Variants in VPS9D1 observed in about 807,000 individuals in gnomAD.
VPS9D1 encodes VPS9 domain-containing protein 1.
VPS9D1 carries 78 observed loss-of-function variants against 75.8 expected under a neutral mutation model. That is an observed-to-expected ratio of 1.03 (90% CI 0.86 to 1.24). The LOEUF (loss-of-function observed/expected upper bound fraction) is 1.24, where lower values mean the gene tolerates loss of function less well. Among genes scored for constraint, VPS9D1 ranks in the 50% most tolerant of loss-of-function variants. VPS9D1 has a pLI of 0.00. For missense variants in VPS9D1, 1,057 were observed against 847.7 expected, an observed-to-expected ratio of 1.25 and a Z score of -3.07; for synonymous variants, 481 against 385.6, an observed-to-expected ratio of 1.25 and a Z score of -2.90.
At chr16:89,719,549 G>A (rs1384122811) in intron 1 of VPS9D1, among the ~76,000 whole-genome samples, 1 of 152,186 alleles carries the variant, frequency 6.6e-6, no homozygotes, top group Non-Finnish European at 1.5e-5. Flanking sequence ...AGGATAAAGG[G>A]AGTGATACTG....
intron 12 of VPS9D1, 86 bp from the exon 13 acceptor site, chr16:89,709,042 C>CCCCCCCCCCTG: frequency 7.0e-7 from 1 of 1,430,192 alleles, no homozygotes; most frequent in East Asian, 2.5e-5. Flanking sequence ...CACCCACCTC[C>CCCCCCCCCCTG]TGATGTGCAC....
At chr16:89,709,003 C>G (rs764635868) in intron 12 of VPS9D1, 47 bp from the exon 13 acceptor site, 11 of 1,540,134 alleles carry the variant, frequency 7.1e-6, no homozygotes, top group Middle Eastern at 2.3e-4. Context: ...CGTCCAGCAG[C>G]CTGAGCCACC....
intron 4 of VPS9D1, 51 bp downstream of exon 4, chr16:89,716,411 C>T (rs1271066611): frequency 3.7e-6 from 6 of 1,606,066 alleles, no homozygotes; most frequent in Non-Finnish European, 4.2e-6. Flanking sequence ...CTTTCTCAGC[C>T]TCAAAAACCC....
rs1486069715 is a variant in VPS9D1 at position 89,708,481 on chromosome 16, C to T, written c.1748G>A (p.Gly583Asp). Residue 583 changes from glycine (G) to aspartate (D), a missense_variant, in exon 14 of 15, where the codon GGC (glycine) becomes GAC (aspartate). Physicochemically the swap from Gly to Asp is moderately conservative, Grantham distance 94 (BLOSUM62 -1). Coordinates refer to ENST00000389386, the MANE Select transcript of VPS9D1 (RefSeq NM_004913.3). ...PILSFVVLRS[G>D]LPQLVSECAA... ...GCACTCCGACACCAGCTGAGGGAGG[C>T]CGCTCCTCAGCACCACGAAGGACAG... 2.5e-6 allele frequency: 4 copies of T among 1,613,120 alleles called. No individual in the cohort carries two copies. The highest frequency in any genetic ancestry group is 1.3e-5 in the African/African-American group (1 of 75,074).
At position 89,716,816 on chromosome 16, in the gene VPS9D1, C is replaced by G. The variant is rs2061081064; in HGVS notation, c.182G>C (p.Gly61Ala). 2 of 1,591,534 alleles carry G rather than the reference C, an allele frequency of 1.3e-6. No individual in the cohort carries two copies. The highest frequency in any genetic ancestry group is 1.4e-5 in the African/African-American group (1 of 73,368). ...LEEVETTKEA[G>A]ETVPPDTSKM... is the part of the protein sequence containing the mutation. ...GGAGGTGTCGGGGGGCACAGTTTCCCCAGCTTCTGGGGGAGGGACAAGAAG... is the reference window on the plus strand; with the variant it reads ...GGAGGTGTCGGGGGGCACAGTTTCCGCAGCTTCTGGGGGAGGGACAAGAAG... The change falls in exon 3 of 15, where the codon GGG (glycine) becomes GCG (alanine). Residue 61 changes from glycine (G) to alanine (A), a missense_variant. Transcript: ENST00000389386.
intron 9 of VPS9D1, 90 bp downstream of exon 9, chr16:89,711,237 T>C: frequency 7.2e-7 from 1 of 1,397,374 alleles, no homozygotes; most frequent in Non-Finnish European, 9.9e-7. Context: ...GCTCCCTGTG[T>C]CAGTCCAGCC....
In VPS9D1 at chr16:89,716,587, A is replaced by G. The variant is rs749211615; in HGVS notation, c.306T>C (p.Ala102=). 7 of 1,613,712 alleles carry G rather than the reference A, an allele frequency of 4.3e-6. No individual in the cohort carries two copies. In the South Asian group the frequency reaches 7.7e-5, roughly 18 times the overall value. Residue 102 remains alanine, a synonymous_variant, in exon 4 of 15, where the codon GCT becomes GCC. Coordinates refer to ENST00000389386, the MANE Select transcript of VPS9D1 (RefSeq NM_004913.3). ...TRLKPTMPAA[A]PIPQPAGRHR... is the part of the protein sequence containing the mutation. The stretch of plus-strand genomic sequence containing the variant: ...GTCGGCCGGCAGGCTGGGGAATGGG[A>G]GCAGCTGCAGGCATGGTTGGCTTCA...
chr16:89,716,625 C>T lies in VPS9D1; in HGVS notation c.269-1G>A. On this transcript the variant is annotated splice_acceptor_variant, in intron 3 of 14. Transcript: ENST00000389386. LOFTEE classifies it high-confidence loss of function. The stretch of plus-strand genomic sequence containing the variant: ...ATGGTTGGCTTCAGGCGTGTTTTCC[C>T]TGCAAGCCATGGGTAACCAGGGGTC... 20 of 1,612,678 alleles carry T rather than the reference C, an allele frequency of 1.2e-5. No homozygotes were observed. The highest frequency in any genetic ancestry group is 1.6e-5 in the Non-Finnish European group (19 of 1,179,006).
intron 10 of VPS9D1, among the ~76,000 whole-genome samples, chr16:89,710,310 G>T (rs967116847): frequency 6.6e-6 from 1 of 152,156 alleles, no homozygotes; most frequent in East Asian, 1.9e-4. Flanking sequence ...TCTGGGCTGG[G>T]CGCGGTGGCT....
chr16:89,713,074 C>T (rs938152134), intron 4 of VPS9D1: 4 of 160,514 alleles, frequency 2.5e-5, no homozygotes, highest in South Asian at 3.5e-4. Flanking sequence ...CCCAGCTACT[C>T]GGGAGGCTGA....
intron 4 of VPS9D1, among the ~76,000 whole-genome samples, chr16:89,713,724 G>C (rs1355063435): frequency 6.6e-6 from 1 of 151,784 alleles, no homozygotes; most frequent in Admixed American, 6.6e-5. Context: ...AAACATCACT[G>C]AGGGCTGGGC....
Position 89,709,879 on chromosome 16 carries a change from G to T in VPS9D1, c.1286C>A (p.Ala429Asp), listed in dbSNP as rs1405507318. 9 of 1,612,972 alleles carry T rather than the reference G, an allele frequency of 5.6e-6. No homozygotes were observed. In the South Asian group the frequency reaches 9.9e-5, roughly 18 times the overall value. The change falls in exon 11 of 15, where the codon GCC becomes GAC. Residue 429 changes from alanine (A) to aspartate (D), a missense_variant. Coordinates refer to ENST00000389386, the MANE Select transcript of VPS9D1 (RefSeq NM_004913.3). Reference protein sequence around the residue: ...VDRLLSLTLLAFEGLNTAASK... With the variant: ...VDRLLSLTLLDFEGLNTAASK... ...GGCAGCTGTGTTTAGGCCTTCGAAG[G>T]CCAGAAGGGTCAGCGAGAGCAGCCT...
intron 1 of VPS9D1, 36 bp from the exon 2 acceptor site, chr16:89,719,138 A>T (rs777765554): frequency 6.3e-7 from 1 of 1,590,146 alleles, no homozygotes. Context: ...GGGTCAGGCC[A>T]GTGGAGGGAA....
At chr16:89,720,676 G>T (rs1462340133) in intron 1 of VPS9D1, 87 bp downstream of exon 1, 5 of 1,271,298 alleles carry the variant, frequency 3.9e-6, no homozygotes, top group Middle Eastern at 3.0e-4. Flanking sequence ...TCTCCAGCCC[G>T]AGCCGGCCCC....
intron 6 of VPS9D1, 109 bp from the exon 7 acceptor site, chr16:89,712,208 AG>A: frequency 1.3e-6 from 2 of 1,482,782 alleles, no homozygotes; most frequent in Non-Finnish European, 9.2e-7. Context: ...CCTCTCGGTG[AG>A]GGGCTGTCCC....
intron 9 of VPS9D1, 70 bp downstream of exon 9, chr16:89,711,257 C>T: frequency 6.7e-7 from 1 of 1,495,470 alleles, no homozygotes; most frequent in Non-Finnish European, 9.1e-7. Context: ...CCCTCTCCGG[C>T]ACCTGGCACC....
rs762901865 is a variant in VPS9D1, at chr16:89,709,427, T to C, written c.1397A>G (p.His466Arg). 2 of 1,512,986 alleles carry C rather than the reference T, an allele frequency of 1.3e-6. No homozygotes were observed. Among genetic ancestry groups the C allele is most frequent in the African/African-American group, 1.4e-5 (1 of 71,768 alleles). 93.7% of individuals were successfully genotyped at this position (1,512,986 alleles called of 1,614,324 possible). A position where few individuals can be genotyped will look rare whatever the true frequency, so the allele number is the denominator to read the frequency against. Residue 466 changes from histidine to arginine, a missense_variant, in exon 12 of 15, where the codon CAC becomes CGC. Coordinates refer to ENST00000389386, the MANE Select transcript of VPS9D1 (RefSeq NM_004913.3). ...PLLLALYRSV[H>R]RAREAALSRS... ...GCTCAGGGCAGCCTCCCGGGCTCGG[T>C]GCACGCTCCTGGGGCAGAGAGAGGC...
In VPS9D1 at chr16:89,710,805, G is replaced by C; in HGVS notation, c.1039C>G (p.Gln347Glu). The change falls in exon 10 of 15, where the codon CAG (glutamine) becomes GAG (glutamate). Residue 347 changes from glutamine (Q) to glutamate (E), a missense_variant. Gln to Glu is a conservative substitution (Grantham distance 29). Transcript: ENST00000389386. ...AGTGGGGGCGTGGGGGGACTGTCCT[G>C]GGGCCGCGGGGCTGCGCTGGGCTCG... is the stretch of plus-strand genomic sequence containing the variant. ...PPEPSAAPRP[Q>E]DSPPTPPLQP... The C allele has an allele frequency of 6.5e-7, 1 of 1,542,538 alleles. No individual in the cohort carries two copies. The highest frequency in any genetic ancestry group is 8.8e-7 in the Non-Finnish European group (1 of 1,141,174).
chr16:89,709,013 C>CG, intron 12 of VPS9D1, 57 bp from the exon 13 acceptor site: 1 of 1,286,480 alleles, frequency 7.8e-7, no homozygotes, highest in Non-Finnish European at 1.0e-6. Context: ...CCTGAGCCAC[C>CG]CCTTATACCC....
Sources: gnomAD v4.1 joint callset for allele counts (sites outside exome capture counted in the v4.1 genomes callset) on GRCh38, gnomAD v4.1.1 for gene constraint, MANE v1.5 for transcripts, NCBI Gene and HGNC (gene_info 2026-07-23, HGNC 2026-07-21) for gene names.